SEMA5A: variants seen among roughly 807,000 people sequenced by gnomAD.
SEMA5A encodes the protein semaphorin 5A.
A neutral mutation model predicts 135.5 loss-of-function variants in SEMA5A; 55 were observed. The ratio of observed to expected loss-of-function variants is 0.41; its 90% CI spans 0.33 to 0.51. The LOEUF is 0.51. Ranked by LOEUF, SEMA5A falls within the 20% of genes least tolerant of loss-of-function variation. SEMA5A has a pLI of 0.37. For missense variants in SEMA5A, 1,290 were observed against 1,419.9 expected, an observed-to-expected ratio of 0.91 and a Z score of 1.47; for synonymous variants, 580 against 546.5, an observed-to-expected ratio of 1.06 and a Z score of -0.85.
At chr5:9,486,730 C>T (rs1450795262) in intron 1 of SEMA5A, among the ~76,000 whole-genome samples, 4 of 151,910 alleles carry the variant, frequency 2.6e-5, no homozygotes, top group Non-Finnish European at 5.9e-5. Flanking sequence ...CAAGAAGAAA[C>T]CTTACATATA....
chr5:9,221,511 CCAGG>C (rs1554005787), intron 8 of SEMA5A, among the ~76,000 whole-genome samples: 36 of 151,690 alleles, frequency 2.4e-4, no homozygotes, highest in Non-Finnish European at 2.2e-4. Flanking sequence ...ACAGTGTTAG[CCAGG>C]ATGGTCTCGA....
intron 11 of SEMA5A, among the ~76,000 whole-genome samples, chr5:9,182,167 A>C (rs1744559716): frequency 7.0e-6 from 1 of 142,040 alleles, no homozygotes; most frequent in African/African-American, 2.7e-5. Context: ...CCCCAAAAAA[A>C]AATACGCTTC....
chr5:9,442,367 A>G (rs2126682101), intron 1 of SEMA5A, among the ~76,000 whole-genome samples: 1 of 152,322 alleles, frequency 6.6e-6, no homozygotes, highest in East Asian at 1.9e-4. Flanking sequence ...TTGTGGGGGA[A>G]GAAGCACTGT....
intron 2 of SEMA5A, among the ~76,000 whole-genome samples, chr5:9,385,474 T>C (rs1755846355): frequency 1.3e-5 from 2 of 152,198 alleles, no homozygotes; most frequent in South Asian, 2.1e-4. Flanking sequence ...AGGCCTATCA[T>C]AAAGATGGAT....
intron 3 of SEMA5A, among the ~76,000 whole-genome samples, chr5:9,342,848 A>G (rs1425485537): frequency 1.3e-5 from 2 of 152,234 alleles, no homozygotes; most frequent in African/African-American, 4.8e-5. Flanking sequence ...GCCAAGATCA[A>G]TAGCTGGTAA....
At chr5:9,294,927 G>A (rs943514391) in intron 5 of SEMA5A, among the ~76,000 whole-genome samples, 6 of 151,966 alleles carry the variant, frequency 3.9e-5, no homozygotes, top group African/African-American at 1.5e-4. Context: ...CCACAAGAAA[G>A]TCCCACTGTA....
At chr5:9,212,190 T>C (rs1417671439) in intron 8 of SEMA5A, among the ~76,000 whole-genome samples, 1 of 152,228 alleles carries the variant, frequency 6.6e-6, no homozygotes, top group East Asian at 1.9e-4. Context: ...CAATATTAAT[T>C]TGGAAATGTA....
At chr5:9,229,478 G>A (rs1176149950) in intron 6 of SEMA5A, among the ~76,000 whole-genome samples, 2 of 152,168 alleles carry the variant, frequency 1.3e-5, no homozygotes, top group African/African-American at 4.8e-5. Context: ...AGCCTATAAA[G>A]GCAGGCAGAG....
chr5:9,093,473 C>T (rs1434476480), intron 16 of SEMA5A, among the ~76,000 whole-genome samples: 1 of 152,116 alleles, frequency 6.6e-6, no homozygotes, highest in Non-Finnish European at 1.5e-5. Context: ...CTTTGGGAGG[C>T]TGAGGCAGGT....
chr5:9,536,151 G>A (rs773948791), intron 1 of SEMA5A, among the ~76,000 whole-genome samples: 43 of 152,236 alleles, frequency 2.8e-4, no homozygotes, highest in African/African-American at 8.7e-4. Context: ...GGGGGAGGAC[G>A]GTTTGGCTCA....
chr5:9,513,651 C>T (rs998834993), intron 1 of SEMA5A, among the ~76,000 whole-genome samples: 2 of 152,178 alleles, frequency 1.3e-5, no homozygotes, highest in African/African-American at 4.8e-5. Context: ...TCTTAAAATG[C>T]CAAGCAACTA....
At chr5:9,093,629 C>G (rs529154753) in intron 16 of SEMA5A, among the ~76,000 whole-genome samples, 1 of 151,884 alleles carries the variant, frequency 6.6e-6, no homozygotes, top group African/African-American at 2.4e-5. Flanking sequence ...ATCGGTTGAG[C>G]TCGTGAGGCG....
intron 1 of SEMA5A, among the ~76,000 whole-genome samples, chr5:9,499,138 A>G (rs1735456518): frequency 6.6e-6 from 1 of 152,206 alleles, no homozygotes; most frequent in African/African-American, 2.4e-5. Flanking sequence ...GGGAGATGAG[A>G]GAAGAGAGTC....
chr5:9,193,196 C>T (rs537677903), intron 10 of SEMA5A, among the ~76,000 whole-genome samples: 1 of 152,142 alleles, frequency 6.6e-6, no homozygotes, highest in Non-Finnish European at 1.5e-5. Flanking sequence ...TGTATTGGAT[C>T]ATAAGCAACC....
chr5:9,468,717 C>T (rs747891723), intron 1 of SEMA5A, among the ~76,000 whole-genome samples: 12 of 152,166 alleles, frequency 7.9e-5, no homozygotes, highest in Non-Finnish European at 1.3e-4. Context: ...TCCATTTACT[C>T]GGCCAATCTC....
intron 16 of SEMA5A, among the ~76,000 whole-genome samples, chr5:9,085,932 T>A (rs1367539403): frequency 6.6e-6 from 1 of 152,216 alleles, no homozygotes; most frequent in African/African-American, 2.4e-5. Context: ...ACCTCTTGCA[T>A]CAGTGTGACC....
intron 3 of SEMA5A, among the ~76,000 whole-genome samples, chr5:9,340,523 G>A (rs764042307): frequency 1.3e-5 from 2 of 152,114 alleles, no homozygotes; most frequent in Non-Finnish European, 2.9e-5. Flanking sequence ...CATACATCAG[G>A]TTTTGGTCCC....
chr5:9,074,448 A>T (rs2150088004), intron 16 of SEMA5A, among the ~76,000 whole-genome samples: 1 of 152,274 alleles, frequency 6.6e-6, no homozygotes, highest in East Asian at 1.9e-4. Flanking sequence ...TTTCTAAATA[A>T]AATACCAAAA....
chr5:9,483,136 C>T (rs1243063951), intron 1 of SEMA5A, among the ~76,000 whole-genome samples: 1 of 151,956 alleles, frequency 6.6e-6, no homozygotes, highest in Non-Finnish European at 1.5e-5. Flanking sequence ...AGATTTTCAC[C>T]TTCTCATTCC....
Sources: allele counts gnomAD v4.1 joint callset (sites outside exome capture counted in the v4.1 genomes callset), GRCh38; gene constraint gnomAD v4.1.1; transcripts MANE v1.5; gene names NCBI Gene and HGNC (gene_info 2026-07-23, HGNC 2026-07-21).